FANCB: variants seen among roughly 807,000 people sequenced by gnomAD.
FANCB encodes FA complementation group B, also known as Fanconi anemia group B protein.
In FANCB, 5 loss-of-function variants were observed where a neutral mutation model predicts 38.9. The ratio of observed to expected loss-of-function variants is 0.13; its 90% CI spans 0.07 to 0.27. FANCB has a LOEUF of 0.27. Among genes scored for constraint, FANCB ranks in the 10% least tolerant of loss-of-function variants. The probability of loss-of-function intolerance (pLI) is 1.00; values close to 1 mark genes in which losing one functional copy is unlikely to be tolerated. For synonymous variants in FANCB, 236 were observed against 215.4 expected, an observed-to-expected ratio of 1.10 and a Z score of -0.84; for missense variants, 573 against 602.7, an observed-to-expected ratio of 0.95 and a Z score of 0.52.
At chrX:14,819,166 C>G in the FANCB span, among the ~76,000 whole-genome samples, 5 of 111,857 alleles carry the variant, frequency 4.5e-5, no homozygotes, top group Non-Finnish European at 7.5e-5. Context: ...TTAGGCAGCT[C>G]AGGTCTAGAA....
At chrX:14,861,002 C>T (rs913582270) in intron 3 of FANCB, among the ~76,000 whole-genome samples, 1 of 111,052 alleles carries the variant, frequency 9.0e-6, no homozygotes. Context: ...CCCACCTCGG[C>T]CTCCCAAGTA....
At chrX:14,797,024 G>A in the FANCB span, among the ~76,000 whole-genome samples, 3 of 111,609 alleles carry the variant, frequency 2.7e-5, no homozygotes, top group South Asian at 1.1e-3. Flanking sequence ...TCAATCAGAT[G>A]AGGCCCACCC....
chrX:14,696,924 G>A, the FANCB span, among the ~76,000 whole-genome samples: 1 of 111,776 alleles, frequency 8.9e-6, no homozygotes, highest in Non-Finnish European at 1.9e-5. Flanking sequence ...TTAAGTCTTG[G>A]GGGGAGTTGA....
chrX:14,779,113 C>T, the FANCB span, among the ~76,000 whole-genome samples: 285 of 112,132 alleles, frequency 2.5e-3, 3 homozygotes, highest in African/African-American at 8.8e-3. Context: ...ACTTACACTC[C>T]AGAGTTCCTC....
chrX:14,798,565 T>C, the FANCB span, among the ~76,000 whole-genome samples: 21 of 112,486 alleles, frequency 1.9e-4, no homozygotes, highest in Non-Finnish European at 1.5e-4. Flanking sequence ...CAAAATCATA[T>C]GTAGTCTAAA....
chrX:14,816,250 T>C, the FANCB span, among the ~76,000 whole-genome samples: 1 of 112,152 alleles, frequency 8.9e-6, no homozygotes, highest in Non-Finnish European at 1.9e-5. Context: ...TCTTGGCAAA[T>C]ATTAGTAATG....
chrX:14,870,078 A>G (rs2092488072), intron 1 of FANCB, among the ~76,000 whole-genome samples: 1 of 112,093 alleles, frequency 8.9e-6, no homozygotes. Context: ...TTAAAATTTA[A>G]TTCATTGCTA....
At chrX:14,740,117 C>T in the FANCB span, among the ~76,000 whole-genome samples, 3 of 111,487 alleles carry the variant, frequency 2.7e-5, no homozygotes, top group South Asian at 3.8e-4. Flanking sequence ...AGACCCTTCA[C>T]GTGCAAGGAT....
the FANCB span, among the ~76,000 whole-genome samples, chrX:14,798,566 G>C: frequency 8.9e-6 from 1 of 112,338 alleles, no homozygotes; most frequent in African/African-American, 3.2e-5. Flanking sequence ...AAAATCATAT[G>C]TAGTCTAAAA....
At chrX:14,868,518 A>T (rs765766508) in intron 2 of FANCB, among the ~76,000 whole-genome samples, 1 of 111,267 alleles carries the variant, frequency 9.0e-6, no homozygotes, top group African/African-American at 3.3e-5. Flanking sequence ...GGAATCTAAA[A>T]TTTTTTTTAA....
intron 7 of FANCB, 59 bp downstream of exon 7, chrX:14,850,446 T>C (rs2092396124): frequency 4.3e-6 from 4 of 921,918 alleles, no homozygotes; most frequent in Non-Finnish European, 6.3e-6. Context: ...CATTAATTTC[T>C]ATTGGACAGT....
intron 1 of FANCB, among the ~76,000 whole-genome samples, chrX:14,871,071 A>T (rs2092494054): frequency 9.0e-6 from 1 of 111,114 alleles, no homozygotes; most frequent in Non-Finnish European, 1.9e-5. Flanking sequence ...TCCTATACAG[A>T]ATTGATCTCA....
the FANCB span, among the ~76,000 whole-genome samples, chrX:14,814,125 T>C: frequency 9.0e-6 from 1 of 111,662 alleles, no homozygotes; most frequent in African/African-American, 3.3e-5. Flanking sequence ...TAGCCATATG[T>C]AGAAAGCTGA....
the FANCB span, among the ~76,000 whole-genome samples, chrX:14,805,742 C>T: frequency 8.9e-6 from 1 of 111,939 alleles, no homozygotes; most frequent in African/African-American, 3.3e-5. Context: ...GTTTTGAGCA[C>T]GATGTTCTGC....
the FANCB span, among the ~76,000 whole-genome samples, chrX:14,727,006 G>C: frequency 1.8e-5 from 2 of 111,991 alleles, no homozygotes; most frequent in African/African-American, 6.5e-5. Flanking sequence ...CAGTAAATTT[G>C]AGCAGATAAG....
At chrX:14,804,378 G>A in the FANCB span, among the ~76,000 whole-genome samples, 301 of 111,710 alleles carry the variant, frequency 2.7e-3, 1 homozygote, top group Middle Eastern at 4.6e-3. Context: ...GCAAACTATC[G>A]CAAGGACAGA....
chrX:14,732,887 A>T, the FANCB span, among the ~76,000 whole-genome samples: 3 of 111,609 alleles, frequency 2.7e-5, no homozygotes, highest in African/African-American at 9.8e-5. Flanking sequence ...GTTTAATTAG[A>T]TCCCGTTTGT....
At chrX:14,726,637 T>A in the FANCB span, among the ~76,000 whole-genome samples, 1 of 112,638 alleles carries the variant, frequency 8.9e-6, no homozygotes, top group East Asian at 2.8e-4. Context: ...ACAGTTTGCA[T>A]GACGATGTAC....
At chrX:14,732,023 T>C in the FANCB span, among the ~76,000 whole-genome samples, 1 of 110,917 alleles carries the variant, frequency 9.0e-6, no homozygotes, top group Non-Finnish European at 1.9e-5. Flanking sequence ...CCTAATGCTA[T>C]CCTTCCCCTA....
Sources: gnomAD v4.1 joint callset for allele counts (sites outside exome capture counted in the v4.1 genomes callset) on GRCh38, gnomAD v4.1.1 for gene constraint, MANE v1.5 for transcripts, NCBI Gene and HGNC (gene_info 2026-07-23, HGNC 2026-07-21) for gene names.